Variants in PSORS1C1 observed in about 807,000 individuals in gnomAD.
The protein encoded by PSORS1C1 is psoriasis susceptibility 1 candidate 1, also known as psoriasis susceptibility 1 candidate gene 1 protein.
In PSORS1C1, 7 loss-of-function variants were observed where a neutral mutation model predicts 9.4. That is an observed-to-expected ratio of 0.75 (90% CI 0.42 to 1.40). The LOEUF (loss-of-function observed/expected upper bound fraction) is 1.40, where lower values mean the gene tolerates loss of function less well. Ranked by LOEUF, PSORS1C1 falls within the 40% of genes most tolerant of loss-of-function variation. The probability of loss-of-function intolerance (pLI) is 0.01; values close to 1 mark genes in which losing one functional copy is unlikely to be tolerated. For synonymous variants in PSORS1C1, 63 were observed against 69.4 expected, an observed-to-expected ratio of 0.91 and a Z score of 0.46; for missense variants, 146 against 178.1, an observed-to-expected ratio of 0.82 and a Z score of 1.02.
At chr6:31,117,438 C>A in intron 1 of PSORS1C1, 1 of 1,559,290 alleles carries the variant, frequency 6.4e-7, no homozygotes, top group Non-Finnish European at 8.7e-7. Context: ...TGGAGTCACC[C>A]TTCCCAGTGA....
intron 3 of PSORS1C1, chr6:31,137,938 T>C: frequency 7.3e-7 from 1 of 1,371,222 alleles, no homozygotes; most frequent in South Asian, 1.6e-5. Context: ...ACAGAACGGC[T>C]GAGGGGACTC....
Position 31,133,021 on chromosome 6 carries a change from G to A in PSORS1C1, c.13+3376G>A, listed in dbSNP as rs545268881. Among the ~76,000 whole-genome samples the A allele has an allele frequency of 5.2e-3, 794 of 152,056 alleles. 5 individuals carry two copies. Among genetic ancestry groups the A allele is most frequent in the Non-Finnish European group, 8.6e-3 (586 of 67,962 alleles). On this transcript the variant is annotated intron_variant, in intron 3 of 5. Transcript: ENST00000259881. ...GGGCGGGCTGGGGGAGTGGGAGGGTGGTGGCATGTGAGGATGTGGGAGAGA... is the reference window on the plus strand; with the variant it reads ...GGGCGGGCTGGGGGAGTGGGAGGGTAGTGGCATGTGAGGATGTGGGAGAGA...
Position 31,132,109 on chromosome 6 carries a change from A to G in PSORS1C1, c.13+2464A>G, listed in dbSNP as rs369622867. Among the ~76,000 whole-genome samples, 94 of 152,328 alleles carry G rather than the reference A, an allele frequency of 6.2e-4. No individual in the cohort carries two copies. In the East Asian group the frequency reaches 7.9e-3, roughly 13 times the overall value. ...AAAAAAATTAGCCAGACGTGGTGGC[A>G]TGCGCCTGTGATCCAGCTACTTGGG... On this transcript the variant is annotated intron_variant, in intron 3 of 5. Transcript: ENST00000259881.
chr6:31,139,187 T>TGTC lies in PSORS1C1; in HGVS notation c.167+409_167+411dup. The TGTC allele has an allele frequency of 1.6e-6, 1 of 619,650 alleles. No individual in the cohort carries two copies. The highest frequency in any genetic ancestry group is 2.0e-5 in the South Asian group (1 of 50,480). 38.4% of individuals were successfully genotyped at this position (619,650 alleles called of 1,614,324 possible). A position where few individuals can be genotyped will look rare whatever the true frequency, so the allele number is the denominator to read the frequency against. On this transcript the variant is annotated intron_variant, in intron 5 of 5. Transcript: ENST00000259881. The surrounding 1 kb of genome is among the most constrained non-coding windows in gnomAD (Gnocchi z 5.2). Reference sequence around the variant, plus strand: ...CCCGTTGGGAAGGCCTGGGCTGATGTGTCACCCCTGAAGGTGGCGTCCCTT... The same window carrying TGTC: ...CCCGTTGGGAAGGCCTGGGCTGATGTGTCGTCACCCCTGAAGGTGGCGTCCCTT...
At chr6:31,121,886 A>G (rs1449175867) in intron 1 of PSORS1C1, among the ~76,000 whole-genome samples, 1 of 152,260 alleles carries the variant, frequency 6.6e-6, no homozygotes, top group Non-Finnish European at 1.5e-5. Context: ...ATTTTAATTA[A>G]TTGTAATGAT....
chr6:31,139,989 T>C lies in PSORS1C1; in HGVS notation c.*57T>C. 1 of 1,510,826 alleles carries C rather than the reference T, an allele frequency of 6.6e-7. No homozygotes were observed. The highest frequency in any genetic ancestry group is 9.1e-7 in the Non-Finnish European group (1 of 1,100,244). The allele number at this position is 1,510,826 out of a possible 1,614,324, so 93.6% of individuals were successfully genotyped here. ...TCAAGGACCTTTCTGCCTGGAAGTC[T>C]GTTAGCCTTTCAGAAGTAACATGTC... is the stretch of plus-strand genomic sequence containing the variant. On this transcript the variant is annotated 3_prime_UTR_variant, in exon 6 of 6. Coordinates refer to ENST00000259881, the MANE Select transcript of PSORS1C1 (RefSeq NM_014068.3). This position sits in a 1 kb window ranked among gnomAD's most constrained non-coding sequence, Gnocchi z 5.2.
At chr6:31,116,724 C>T in intron 1 of PSORS1C1, 1 of 1,612,886 alleles carries the variant, frequency 6.2e-7, no homozygotes, top group African/African-American at 1.3e-5. Flanking sequence ...CACCCACCAC[C>T]TCGTAGCCAC....
intron 3 of PSORS1C1, among the ~76,000 whole-genome samples, chr6:31,135,018 G>A (rs1329829505): frequency 6.6e-6 from 1 of 151,654 alleles, no homozygotes; most frequent in Admixed American, 6.6e-5. Context: ...GTTTTGCCAT[G>A]TTGCCTAGGC....
chr6:31,115,004 T>C lies in PSORS1C1; in HGVS notation c.-229+113T>C. The C allele has an allele frequency of 2.4e-6, 1 of 416,712 alleles. No individual in the cohort carries two copies. Among genetic ancestry groups the C allele is most frequent in the Non-Finnish European group, 4.8e-6 (1 of 209,650 alleles). The allele number at this position is 416,712 out of a possible 1,614,324, so 25.8% of individuals were successfully genotyped here. On this transcript the variant is annotated intron_variant, in intron 1 of 5. Coordinates refer to ENST00000259881, the MANE Select transcript of PSORS1C1 (RefSeq NM_014068.3). This position sits in a 1 kb window ranked among gnomAD's most constrained non-coding sequence, Gnocchi z 4.2. ...AGGGGAAGGGGGACCCCACGGTGAA[T>C]GAGGAATGGGAAGAGAATGGATTTC...
chr6:31,138,224 G>T, intron 3 of PSORS1C1: 1 of 1,567,294 alleles, frequency 6.4e-7, no homozygotes, highest in East Asian at 2.2e-5. Context: ...GGACTGGGGG[G>T]CCCTGAGGCA....
Position 31,117,440 on chromosome 6 carries a change from T to A in PSORS1C1, c.-229+2549T>A, listed in dbSNP as rs387906841. ...CTACTGAAACCGCTGGAGTCACCCT[T>A]CCCAGTGAGGCAGGGGTCGTTAGGG... On this transcript the variant is annotated intron_variant, in intron 1 of 5. Coordinates refer to ENST00000259881, the MANE Select transcript of PSORS1C1 (RefSeq NM_014068.3). 66 of 1,558,856 alleles carry A rather than the reference T, an allele frequency of 4.2e-5. No individual in the cohort carries two copies. Among genetic ancestry groups the A allele is most frequent in the Non-Finnish European group, 5.6e-5 (65 of 1,151,558 alleles).
At chr6:31,116,348 A>T in intron 1 of PSORS1C1, 3 of 1,612,642 alleles carry the variant, frequency 1.9e-6, no homozygotes, top group Non-Finnish European at 2.5e-6. Context: ...GGTGGGGAGC[A>T]GGGGCTCTGG....
In PSORS1C1 at chr6:31,115,778, T is replaced by C. The variant is rs117103599; in HGVS notation, c.-229+887T>C. The C allele has an allele frequency of 0.024, 13,029 of 546,710 alleles. 709 individuals are homozygous for C. Among genetic ancestry groups the C allele is most frequent in the South Asian group, 0.14 (4,987 of 35,698 alleles). The allele number at this position is 546,710 out of a possible 1,614,324, so 33.9% of individuals were successfully genotyped here. On this transcript the variant is annotated intron_variant, in intron 1 of 5. Transcript: ENST00000259881. This position sits in a 1 kb window ranked among gnomAD's most constrained non-coding sequence, Gnocchi z 4.2. ...CTGGCTGAGGGGCACTGTGGTGGAA[T>C]GGGAATTTAAACAGTAGGAGAGAAT...
intron 1 of PSORS1C1, chr6:31,118,325 C>G (rs117198148): frequency 6.6e-6 from 1 of 152,458 alleles, no homozygotes. Flanking sequence ...GCCAGTAAAG[C>G]TGGGTGGGGG....
Position 31,122,360 on chromosome 6 carries a change from C to G in PSORS1C1, c.-228-3316C>G, listed in dbSNP as rs3757346. 1.2e-4 allele frequency among the ~76,000 whole-genome samples: 18 copies of G among 152,328 alleles called. No individual in the cohort carries two copies. The East Asian group carries it at 3.5e-3, about 29-fold the overall frequency. On this transcript the variant is annotated intron_variant, in intron 1 of 5. Coordinates refer to ENST00000259881, the MANE Select transcript of PSORS1C1 (RefSeq NM_014068.3). ...GAGACAAATAGGCCAGCTTCACCCC[C>G]ACAGCCCCAGGCTCCCTTTCCTGAG...
At chr6:31,129,534 C>A (rs1215915070) in intron 2 of PSORS1C1, 35 bp from the exon 3 acceptor site, 2 of 766,772 alleles carry the variant, frequency 2.6e-6, no homozygotes, top group Admixed American at 3.5e-5. Flanking sequence ...CATGCCTCCC[C>A]CTTCTCTTTC....
intron 3 of PSORS1C1, among the ~76,000 whole-genome samples, chr6:31,132,984 G>C (rs1340272771): frequency 6.6e-6 from 1 of 150,910 alleles, no homozygotes; most frequent in Non-Finnish European, 1.5e-5. Flanking sequence ...TCCACCGTTG[G>C]TTAAGGTCTG....
intron 3 of PSORS1C1, among the ~76,000 whole-genome samples, chr6:31,132,076 T>A (rs1772941342): frequency 6.6e-6 from 1 of 151,078 alleles, no homozygotes; most frequent in East Asian, 2.0e-4. Flanking sequence ...TAAGACCCAA[T>A]CTCTACAAAA....
At chr6:31,127,247 G>A (rs941032767) in intron 2 of PSORS1C1, among the ~76,000 whole-genome samples, 2 of 152,060 alleles carry the variant, frequency 1.3e-5, no homozygotes, top group African/African-American at 4.8e-5. Context: ...GGACTGTGGT[G>A]GCCCATCTTC....
Sources: gnomAD v4.1 joint callset for allele counts (sites outside exome capture counted in the v4.1 genomes callset) on GRCh38, gnomAD v4.1.1 for gene constraint, Gnocchi (gnomAD v3.1) non-coding constraint, MANE v1.5 for transcripts, NCBI Gene and HGNC (gene_info 2026-07-23, HGNC 2026-07-21) for gene names.